ACACA: variants seen among roughly 807,000 people sequenced by gnomAD.
ACACA encodes the protein acetyl-CoA carboxylase alpha.
A neutral mutation model predicts 296.1 loss-of-function variants in ACACA; 103 were observed. The observed-to-expected ratio is 0.35, with a 90% CI of 0.30 to 0.41. ACACA has a LOEUF of 0.41. Ranked by LOEUF, ACACA falls within the 10% of genes least tolerant of loss-of-function variation. ACACA has a pLI of 1.00. For synonymous variants in ACACA, 953 were observed against 1,038.6 expected, an observed-to-expected ratio of 0.92 and a Z score of 1.58; for missense variants, 1,554 against 2,989.7, an observed-to-expected ratio of 0.52 and a Z score of 11.20.
At chr17:37,095,049 A>G (rs764317154) in intron 54 of ACACA, among the ~76,000 whole-genome samples, 3 of 152,238 alleles carry the variant, frequency 2.0e-5, no homozygotes, top group Non-Finnish European at 4.4e-5. Context: ...GCAGGATGCT[A>G]GGGAAAAGCT....
chr17:37,144,193 A>G, intron 45 of ACACA: 1 of 734,820 alleles, frequency 1.4e-6, no homozygotes, highest in Non-Finnish European at 2.5e-6. Context: ...AGTTGACTGA[A>G]GCATCTGGAT....
At chr17:37,183,848 CTTTT>C (rs775286104) in intron 39 of ACACA, among the ~76,000 whole-genome samples, 1 of 120,062 alleles carries the variant, frequency 8.3e-6, no homozygotes, top group Non-Finnish European at 1.7e-5. Context: ...AGTTTCAGTC[CTTTT>C]TTTTTTTTTT....
chr17:37,390,330 A>ATATATATATATATATATATATATATATC lies in ACACA; in HGVS notation c.38+15931_38+15932insGATATATATATATATATATATATATATA, dbSNP rs1386032855. Among the ~76,000 whole-genome samples the ATATATATATATATATATATATATATATC allele has an allele frequency of 1.0e-3, 42 of 41,528 alleles. 3 individuals are homozygous for ATATATATATATATATATATATATATATC. The highest frequency in any genetic ancestry group is 4.9e-3 in the East Asian group (3 of 610). The allele number at this position is 41,528 out of a possible 152,430, so 27.2% of individuals were successfully genotyped here. ...TATATATATATATATATATATATAT[A>ATATATATATATATATATATATATATATC]TATAAAAGGCCAGCTGGGCCGGGCA... is the stretch of plus-strand genomic sequence containing the variant. On this transcript the variant is annotated intron_variant, in intron 1 of 55. Transcript: ENST00000616317.
chr17:37,390,324 A>C lies in ACACA; in HGVS notation c.38+15938T>G, dbSNP rs768550126. ...CATAATTATATATATATATATATATATATATATATAAAAGGCCAGCTGGGC... is the reference window on the plus strand; with the variant it reads ...CATAATTATATATATATATATATATCTATATATATAAAAGGCCAGCTGGGC... On this transcript the variant is annotated intron_variant, in intron 1 of 55. Coordinates refer to ENST00000616317, the MANE Select transcript of ACACA (RefSeq NM_198834.3). 1.5e-4 allele frequency among the ~76,000 whole-genome samples: 10 copies of C among 66,838 alleles called. 2 individuals are homozygous for C. Among genetic ancestry groups the C allele is most frequent in the African/African-American group, 4.5e-4 (6 of 13,384 alleles). 43.8% of individuals were successfully genotyped at this position (66,838 alleles called of 152,430 possible).
chr17:37,389,194 C>G, intron 1 of ACACA: 1 of 1,539,228 alleles, frequency 6.5e-7, no homozygotes, highest in Non-Finnish European at 8.8e-7. Flanking sequence ...TGGAAGAAAA[C>G]CAAATGCTTA....
At chr17:37,305,825 A>G (rs965900885) in intron 3 of ACACA, among the ~76,000 whole-genome samples, 12 of 152,078 alleles carry the variant, frequency 7.9e-5, no homozygotes, top group Non-Finnish European at 1.5e-4. Context: ...TCAGCTGGGG[A>G]AAGGGGAATA....
chr17:37,190,959 C>T (rs1468109348), intron 38 of ACACA, among the ~76,000 whole-genome samples, 161 bp downstream of exon 38: 1 of 152,154 alleles, frequency 6.6e-6, no homozygotes, highest in South Asian at 2.1e-4. Flanking sequence ...TTGACACTGT[C>T]CCAGAAACTC....
intron 24 of ACACA, among the ~76,000 whole-genome samples, chr17:37,239,089 A>G (rs2080261529): frequency 6.6e-6 from 1 of 152,196 alleles, no homozygotes; most frequent in African/African-American, 2.4e-5. Context: ...CTGGCCTCCC[A>G]AAGTGCTAAG....
chr17:37,096,928 G>A (rs1423476842), intron 54 of ACACA, 68 bp downstream of exon 54: 9 of 1,594,536 alleles, frequency 5.6e-6, no homozygotes, highest in South Asian at 3.3e-5. Context: ...CTTTGCTGGC[G>A]AGACTTGCAG....
intron 45 of ACACA, among the ~76,000 whole-genome samples, chr17:37,135,864 G>A (rs2075308624): frequency 6.6e-6 from 1 of 151,880 alleles, no homozygotes; most frequent in African/African-American, 2.4e-5. Context: ...AACTGCTCAT[G>A]TAGGTAGGGA....
chr17:37,385,607 C>T (rs545390655), intron 1 of ACACA, among the ~76,000 whole-genome samples: 1 of 152,294 alleles, frequency 6.6e-6, no homozygotes, highest in Non-Finnish European at 1.5e-5. Context: ...GACACACTTG[C>T]AGCAGTCATT....
intron 1 of ACACA, chr17:37,359,234 C>A: frequency 1.4e-6 from 1 of 734,442 alleles, no homozygotes; most frequent in South Asian, 6.1e-5. Context: ...TTACTCCAGG[C>A]CGTTCACCTC....
Position 37,213,158 on chromosome 17 carries a change from CACACACACACACAT to C in ACACA, c.3684-2682_3684-2669del, listed in dbSNP as rs1344322736. ...CATCTCCAAAATCCATCTTTACACACACACACACACACATACACACACACACGCACACAAATATA... is the reference window on the plus strand; with the variant it reads ...CATCTCCAAAATCCATCTTTACACACACACACACACACGCACACAAATATA... On this transcript the variant is annotated intron_variant, in intron 29 of 55. Transcript: ENST00000616317. Among the ~76,000 whole-genome samples, 8 of 151,548 alleles carry C rather than the reference CACACACACACACAT, an allele frequency of 5.3e-5. No individual in the cohort carries two copies. In the South Asian group the frequency reaches 6.3e-4, roughly 12 times the overall value.
At chr17:37,309,249 T>C (rs79723846) in intron 3 of ACACA, among the ~76,000 whole-genome samples, 1,739 of 152,176 alleles carry the variant, frequency 0.011, 37 homozygotes, top group African/African-American at 0.038. Flanking sequence ...TTGTCCCAAA[T>C]TCCTGGGCTC....
chr17:37,195,923 T>C (rs2077975267), intron 35 of ACACA, among the ~76,000 whole-genome samples: 1 of 152,154 alleles, frequency 6.6e-6, no homozygotes, highest in Non-Finnish European at 1.5e-5. Context: ...AAAAACCCTC[T>C]TAGTATTCTG....
At chr17:37,344,125 T>G (rs1163050183) in intron 1 of ACACA, among the ~76,000 whole-genome samples, 1 of 151,374 alleles carries the variant, frequency 6.6e-6, no homozygotes, top group Non-Finnish European at 1.5e-5. Flanking sequence ...AAAATTTTTT[T>G]AAAAAGAAAA....
intron 45 of ACACA, among the ~76,000 whole-genome samples, chr17:37,145,575 G>A (rs75980106): frequency 0.032 from 4,938 of 152,278 alleles, 224 homozygotes; most frequent in African/African-American, 0.099. Flanking sequence ...AAAGAGGCCT[G>A]AGCTTTCTTC....
Position 37,184,727 on chromosome 17 carries a change from T to C in ACACA, c.4777-3371A>G, listed in dbSNP as rs1384103783. The stretch of plus-strand genomic sequence containing the variant: ...AGCTGGGCATGGTGGTAGACGCCTT[T>C]AGTCCCAGCTACTTAGGAGGCTGAG... On this transcript the variant is annotated intron_variant, in intron 39 of 55. Transcript: ENST00000616317. Among the ~76,000 whole-genome samples, 5 of 151,870 alleles carry C rather than the reference T, an allele frequency of 3.3e-5. No homozygotes were observed. In the East Asian group the frequency reaches 9.7e-4, roughly 29 times the overall value.
chr17:37,162,670 AC>A, intron 41 of ACACA: 3 of 282,986 alleles, frequency 1.1e-5, no homozygotes, highest in Non-Finnish European at 2.0e-5. Context: ...CTGCCTGCCC[AC>A]CCCCAAATGC....
Sources: gnomAD v4.1 joint callset for allele counts (sites outside exome capture counted in the v4.1 genomes callset) on GRCh38, gnomAD v4.1.1 for gene constraint, MANE v1.5 for transcripts, NCBI Gene and HGNC (gene_info 2026-07-23, HGNC 2026-07-21) for gene names.